The following SEZ6L variants were observed in gnomAD, a reference collection of about 807,000 sequenced individuals.
SEZ6L encodes seizure related 6 homolog like.
Under a neutral mutation model 106.2 loss-of-function variants are expected in SEZ6L, and 37 were observed. The observed-to-expected ratio is 0.35, with a 90% CI of 0.27 to 0.46. The LOEUF (loss-of-function observed/expected upper bound fraction) is 0.46. SEZ6L is among the 20% of genes least tolerant of loss of function. SEZ6L has a pLI of 1.00. For synonymous variants in SEZ6L, 541 were observed against 570.4 expected, an observed-to-expected ratio of 0.95 and a Z score of 0.73; for missense variants, 1,172 against 1,332.8, an observed-to-expected ratio of 0.88 and a Z score of 1.88.
At chr22:26,234,293 G>T (rs975660235) in intron 1 of SEZ6L, among the ~76,000 whole-genome samples, 1 of 152,144 alleles carries the variant, frequency 6.6e-6, no homozygotes, top group Non-Finnish European at 1.5e-5. Context: ...CAAAGCCCAC[G>T]CTCTCTTGGC....
At chr22:26,176,259 A>G (rs1938996493) in intron 1 of SEZ6L, among the ~76,000 whole-genome samples, 1 of 152,228 alleles carries the variant, frequency 6.6e-6, no homozygotes, top group Non-Finnish European at 1.5e-5. Flanking sequence ...TTTGATTCCA[A>G]AGCCCACGCT....
chr22:26,246,808 A>G (rs1021130049), intron 1 of SEZ6L, among the ~76,000 whole-genome samples: 4 of 152,264 alleles, frequency 2.6e-5, no homozygotes, highest in South Asian at 2.1e-4. Flanking sequence ...TCTTAATTAG[A>G]GCTATTAATA....
At chr22:26,350,811 C>T (rs1382672236) in intron 11 of SEZ6L, among the ~76,000 whole-genome samples, 2 of 152,004 alleles carry the variant, frequency 1.3e-5, no homozygotes. Flanking sequence ...CGCCCACCAC[C>T]AGGCCAGGCT....
chr22:26,192,532 A>G (rs1022595445), intron 1 of SEZ6L, among the ~76,000 whole-genome samples: 2 of 152,226 alleles, frequency 1.3e-5, no homozygotes, highest in Non-Finnish European at 2.9e-5. Flanking sequence ...AAATATAATG[A>G]AACTTTTATG....
At chr22:26,314,209 T>C (rs1351052715) in intron 9 of SEZ6L, among the ~76,000 whole-genome samples, 1 of 152,158 alleles carries the variant, frequency 6.6e-6, no homozygotes, top group African/African-American at 2.4e-5. Context: ...AACTTCAATA[T>C]GTGATGTAAG....
At chr22:26,379,499 G>T (rs1228028943) in intron 16 of SEZ6L, among the ~76,000 whole-genome samples, 1 of 152,236 alleles carries the variant, frequency 6.6e-6, no homozygotes, top group Non-Finnish European at 1.5e-5. Context: ...TATCTGTGTT[G>T]GCTGAATGGG....
At chr22:26,212,556 G>A (rs2078191289) in intron 1 of SEZ6L, among the ~76,000 whole-genome samples, 2 of 152,116 alleles carry the variant, frequency 1.3e-5, no homozygotes, top group South Asian at 4.1e-4. Context: ...CTGAGTAGCT[G>A]GGACCACAGG....
chr22:26,281,758 A>G (rs1164568928), intron 1 of SEZ6L, among the ~76,000 whole-genome samples: 1 of 152,196 alleles, frequency 6.6e-6, no homozygotes, highest in Non-Finnish European at 1.5e-5. Context: ...AATTTAAATT[A>G]TGTATCCTTT....
chr22:26,189,942 A>C (rs955040341), intron 1 of SEZ6L, among the ~76,000 whole-genome samples: 8 of 151,954 alleles, frequency 5.3e-5, no homozygotes. Context: ...CTAAAAATAC[A>C]AAAAATTAGC....
At chr22:26,296,860 C>T (rs372651889) in intron 3 of SEZ6L, 28 bp from the exon 4 acceptor site, 1 of 1,528,574 alleles carries the variant, frequency 6.5e-7, no homozygotes, top group African/African-American at 1.4e-5. Context: ...CTCAGAGTTC[C>T]TCTCTGTCTG....
chr22:26,176,553 C>A (rs905583225), intron 1 of SEZ6L, among the ~76,000 whole-genome samples: 2 of 152,154 alleles, frequency 1.3e-5, no homozygotes, highest in African/African-American at 4.8e-5. Flanking sequence ...CCTAGAGGAG[C>A]GCATGGCTGG....
chr22:26,289,692 A>C (rs1018063153), intron 1 of SEZ6L, among the ~76,000 whole-genome samples: 3 of 152,238 alleles, frequency 2.0e-5, no homozygotes, highest in African/African-American at 7.2e-5. Flanking sequence ...TGTTGATGCC[A>C]GTTGCAAACT....
intron 10 of SEZ6L, 41 bp from the exon 11 acceptor site, chr22:26,347,678 G>A (rs2083055195): frequency 6.5e-7 from 1 of 1,540,144 alleles, no homozygotes; most frequent in Non-Finnish European, 8.7e-7. Flanking sequence ...CCGACAACAA[G>A]ACTGCTTCCC....
chr22:26,323,913 A>G (rs897720422), intron 9 of SEZ6L, among the ~76,000 whole-genome samples: 8 of 152,102 alleles, frequency 5.3e-5, no homozygotes, highest in African/African-American at 1.9e-4. Flanking sequence ...ACCCTATGCA[A>G]TATCTACATC....
At position 26,169,732 on chromosome 22, in the gene SEZ6L, C is replaced by G. The variant is rs150514257; in HGVS notation, c.63C>G (p.Leu21=). 807 of 1,267,730 alleles carry G rather than the reference C, an allele frequency of 6.4e-4. 1 individual carries two copies. Among genetic ancestry groups the G allele is most frequent in the Admixed American group, 8.4e-4 (20 of 23,840 alleles). The allele number at this position is 1,267,730 out of a possible 1,614,324, so 78.5% of individuals were successfully genotyped here. ...LRGISLFLAL[L]LGSPAAALER... ...GGATCTCGCTGTTCCTCGCTCTGCTCCTGGGGAGCCCGGCGGCAGCGCTGG... is the reference window on the plus strand; with the variant it reads ...GGATCTCGCTGTTCCTCGCTCTGCTGCTGGGGAGCCCGGCGGCAGCGCTGG... The change falls in exon 1 of 17, where the codon CTC becomes CTG. Residue 21 remains leucine, a synonymous_variant. Transcript: ENST00000248933.
intron 1 of SEZ6L, among the ~76,000 whole-genome samples, chr22:26,210,976 A>G (rs1379329549): frequency 1.3e-5 from 2 of 152,144 alleles, no homozygotes; most frequent in Non-Finnish European, 2.9e-5. Context: ...CCTGCCCCTT[A>G]ATTTGGCCTG....
chr22:26,200,773 G>A (rs964582446), intron 1 of SEZ6L, among the ~76,000 whole-genome samples: 1 of 152,130 alleles, frequency 6.6e-6, no homozygotes, highest in Non-Finnish European at 1.5e-5. Context: ...CTGTGCCTCT[G>A]TCCAGTTCCA....
chr22:26,348,547 A>G (rs190598536), intron 11 of SEZ6L, among the ~76,000 whole-genome samples: 1,865 of 86,164 alleles, frequency 0.022, 61 homozygotes, highest in Non-Finnish European at 0.033. Context: ...GGAAGGAAGG[A>G]AGGAAGGAAG....
At chr22:26,251,380 T>C (rs1252522891) in intron 1 of SEZ6L, among the ~76,000 whole-genome samples, 1 of 151,908 alleles carries the variant, frequency 6.6e-6, no homozygotes, top group Non-Finnish European at 1.5e-5. Context: ...TGAATTTCAT[T>C]AAATGCTTTT....
Sources: allele counts gnomAD v4.1 joint callset (sites outside exome capture counted in the v4.1 genomes callset), GRCh38; gene constraint gnomAD v4.1.1; transcripts MANE v1.5; gene names NCBI Gene and HGNC (gene_info 2026-07-23, HGNC 2026-07-21).